PTMA: variants seen among roughly 807,000 people sequenced by gnomAD.
PTMA encodes prothymosin alpha, also known as gene sequence 28.
Under a neutral mutation model 16.9 loss-of-function variants are expected in PTMA, and 4 were observed. The ratio of observed to expected loss-of-function variants is 0.24; its 90% CI spans 0.12 to 0.54. The LOEUF (loss-of-function observed/expected upper bound fraction) is 0.54, where lower values mean the gene tolerates loss of function less well. Among genes scored for constraint, PTMA ranks in the 20% least tolerant of loss-of-function variants. The pLI is 0.95. For missense variants in PTMA, 120 were observed against 137.7 expected (o/e 0.87, Z 0.64); for synonymous variants, 58 against 47.9 (o/e 1.21, Z -0.87).
In PTMA at chr2:231,711,907, G is replaced by A. The variant is rs1162753494; in HGVS notation, c.135G>A (p.Glu45=). The A allele has an allele frequency of 6.2e-7, 1 of 1,611,542 alleles. No individual in the cohort carries two copies. Among genetic ancestry groups the A allele is most frequent in the Non-Finnish European group, 8.5e-7 (1 of 1,178,896 alleles). ...TCGAGGAGAATGAGGAAAATGGGGA[G>A]CAGGAGGCTGACAATGAGGTAGACG... is the stretch of plus-strand genomic sequence containing the variant. ...ANGNANEENG[E]QEADNEVDEE... Residue 45 remains glutamate (E), a synonymous_variant, in exon 3 of 5, where the codon GAG becomes GAA. Transcript: ENST00000409115.
intron 1 of PTMA, chr2:231,710,094 G>T: frequency 8.1e-7 from 1 of 1,238,520 alleles, no homozygotes; most frequent in Non-Finnish European, 1.0e-6. Flanking sequence ...ATGAGTAGTA[G>T]CCCGAGAGGC....
intron 1 of PTMA, chr2:231,709,960 T>C (rs2106242356): frequency 1.2e-6 from 1 of 808,068 alleles, no homozygotes; most frequent in East Asian, 3.6e-5. Context: ...CCACAGGGGC[T>C]CTCAGTGACC....
chr2:231,712,039 G>A, intron 3 of PTMA, 56 bp downstream of exon 3: 3 of 1,548,870 alleles, frequency 1.9e-6, no homozygotes, highest in Non-Finnish European at 1.7e-6. Context: ...GCCTTGTCTG[G>A]CAGAAGGGGA....
intron 1 of PTMA, chr2:231,709,811 C>T (rs1056003251): frequency 3.3e-5 from 6 of 182,602 alleles, no homozygotes; most frequent in South Asian, 3.9e-4. Context: ...AATATTTCGG[C>T]CCTCGTCCGC....
rs533173659 is a variant in PTMA at position 231,708,620 on chromosome 2, C to T, written c.-87C>T. 30 of 1,560,738 alleles carry T rather than the reference C, an allele frequency of 1.9e-5. No individual in the cohort carries two copies. The highest frequency in any genetic ancestry group is 1.2e-4 in the South Asian group (11 of 89,990). ...CTCCGCCGCGCGCCTCCTCCGCCGC[C>T]GCGGACTCCGGCAGCTTTATCGCCA... On this transcript the variant is annotated 5_prime_UTR_variant, in exon 1 of 5. Coordinates refer to ENST00000409115, the MANE Select transcript of PTMA (RefSeq NM_002823.5).
In PTMA at chr2:231,711,410, C is replaced by T. The variant is rs11558919; in HGVS notation, c.108C>T (p.Asn36=). 5 of 1,614,070 alleles carry T rather than the reference C, an allele frequency of 3.1e-6. No individual in the cohort carries two copies. The East Asian group carries it at 6.7e-5, about 22-fold the overall frequency. Residue 36 remains asparagine, a synonymous_variant, in exon 2 of 5, where the codon AAC becomes AAT. Transcript: ENST00000409115. The stretch of plus-strand genomic sequence containing the variant: ...AAAATGGAAGAGACGCCCCTGCTAA[C>T]GGGAATGCTGTGAGTGTCTGCTTTG... ...EAENGRDAPA[N]GNANEENGEQ...
rs758287487 is a variant in PTMA, at chr2:231,712,892, G to C, written c.*41G>C. ...AAGTTAAACTAAAAAAAAAAAGGCC[G>C]CCGTGACCTATTCACCCTCCACTTC... On this transcript the variant is annotated 3_prime_UTR_variant, in exon 5 of 5. Transcript: ENST00000409115. 3 of 1,503,922 alleles carry C rather than the reference G, an allele frequency of 2.0e-6. No individual in the cohort carries two copies. The highest frequency in any genetic ancestry group is 2.7e-6 in the Non-Finnish European group (3 of 1,114,412). 93.2% of individuals were successfully genotyped at this position (1,503,922 alleles called of 1,614,324 possible).
chr2:231,711,302 TGCTCAG>T (rs752042920), intron 1 of PTMA, 40 bp from the exon 2 acceptor site: 2 of 1,528,750 alleles, frequency 1.3e-6, no homozygotes, highest in African/African-American at 2.7e-5. Context: ...TACCCTGGGT[TGCTCAG>T]AAGACTTACT....
rs180999928 is a variant in PTMA, at chr2:231,712,247, T to C, written c.212-196T>C. 3.4e-3 allele frequency among the ~76,000 whole-genome samples: 516 copies of C among 152,254 alleles called. 1 individual carries two copies. Among genetic ancestry groups the C allele is most frequent in the African/African-American group, 0.012 (501 of 41,562 alleles). On this transcript the variant is annotated intron_variant, in intron 3 of 4. Coordinates refer to ENST00000409115, the MANE Select transcript of PTMA (RefSeq NM_002823.5). The stretch of plus-strand genomic sequence containing the variant: ...GCCACTGATCTATTGGGCTGGCCTT[T>C]TGGGGTGCAGCTGCTTGGGCCTCTC...
intron 1 of PTMA, 54 bp from the exon 2 acceptor site, chr2:231,711,294 C>A: frequency 6.7e-7 from 1 of 1,488,522 alleles, no homozygotes; most frequent in Non-Finnish European, 9.4e-7. Context: ...CCTTTGCTTA[C>A]CCTGGGTTGC....
chr2:231,710,597 G>T, intron 1 of PTMA: 1 of 498,198 alleles, frequency 2.0e-6, no homozygotes, highest in Admixed American at 2.4e-5. Context: ...TGGTATTGGT[G>T]GCCGTGTCGT....
At chr2:231,710,279 C>A in intron 1 of PTMA, 1 of 1,298,294 alleles carries the variant, frequency 7.7e-7, no homozygotes. Context: ...GCAAGCTCTG[C>A]CTGCCGGCCG....
chr2:231,711,746 GGA>G, intron 2 of PTMA, 142 bp from the exon 3 acceptor site: 1 of 1,431,904 alleles, frequency 7.0e-7, no homozygotes, highest in South Asian at 1.4e-5. Flanking sequence ...GGTGTTGACT[GGA>G]GAAGGGTCTC....
chr2:231,710,820 T>A (rs1274039292), intron 1 of PTMA: 1 of 307,456 alleles, frequency 3.3e-6, no homozygotes, highest in Non-Finnish European at 6.5e-6. Context: ...GCTTTGGCTT[T>A]TTTAGATACC....
At chr2:231,710,380 C>A in intron 1 of PTMA, 1 of 1,186,206 alleles carries the variant, frequency 8.4e-7, no homozygotes, top group Non-Finnish European at 1.0e-6. Flanking sequence ...CAAAGCCCGC[C>A]GGGCGGGGGA....
At chr2:231,711,680 G>A in intron 2 of PTMA, 1 of 957,410 alleles carries the variant, frequency 1.0e-6, no homozygotes, top group South Asian at 1.8e-5. Context: ...CCCAGGGTGG[G>A]GAAAAGCCCT....
At chr2:231,710,910 C>T (rs574720843) in intron 1 of PTMA, among the ~76,000 whole-genome samples, 109 of 152,256 alleles carry the variant, frequency 7.2e-4, no homozygotes, top group Middle Eastern at 3.4e-3. Context: ...GCAGGCCCCT[C>T]TCTCTTTGCC....
chr2:231,710,691 C>T (rs781484218), intron 1 of PTMA: 10 of 405,782 alleles, frequency 2.5e-5, no homozygotes, highest in Non-Finnish European at 4.6e-5. Flanking sequence ...TGTCGGGATC[C>T]CTAGCCGCCG....
intron 1 of PTMA, 129 bp downstream of exon 1, chr2:231,708,880 C>G: frequency 1.7e-6 from 2 of 1,156,704 alleles, no homozygotes; most frequent in Non-Finnish European, 2.4e-6. Context: ...CCGCCCCCGG[C>G]GCGGTGCCCT....
Sources: allele counts gnomAD v4.1 joint callset (sites outside exome capture counted in the v4.1 genomes callset), GRCh38; gene constraint gnomAD v4.1.1; transcripts MANE v1.5; gene names NCBI Gene and HGNC (gene_info 2026-07-23, HGNC 2026-07-21).